SPTBN1: variants seen among roughly 807,000 people sequenced by gnomAD.
SPTBN1 encodes the protein spectrin beta, non-erythrocytic 1.
A neutral mutation model predicts 266.4 loss-of-function variants in SPTBN1; 32 were observed. The observed-to-expected ratio is 0.12, with a 90% CI of 0.09 to 0.16. The LOEUF is 0.16. Ranked by LOEUF, SPTBN1 falls within the 10% of genes least tolerant of loss-of-function variation. The pLI, the probability that SPTBN1 is intolerant of heterozygous loss-of-function variation, is 1.00. For missense variants in SPTBN1, 2,296 were observed against 3,067.1 expected (o/e 0.75, Z 5.94); for synonymous variants, 1,336 against 1,162.2 (o/e 1.15, Z -3.04).
chr2:54,622,538 T>G (rs371529240), intron 9 of SPTBN1, 51 bp downstream of exon 9: 10 of 1,581,408 alleles, frequency 6.3e-6, no homozygotes, highest in Admixed American at 5.1e-5. Context: ...CACATCACTG[T>G]AGCCAACAGA....
chr2:54,462,124 C>A (rs1296073847), intron 1 of SPTBN1, among the ~76,000 whole-genome samples: 1 of 152,162 alleles, frequency 6.6e-6, no homozygotes, highest in East Asian at 1.9e-4. Context: ...TTGGAAAAAT[C>A]AAAATAATAT....
At chr2:54,607,241 C>T (rs1676902349) in intron 3 of SPTBN1, among the ~76,000 whole-genome samples, 1 of 152,184 alleles carries the variant, frequency 6.6e-6, no homozygotes, top group South Asian at 2.1e-4. Context: ...CAGAAATAAA[C>T]AGTGATACAA....
chr2:54,619,053 T>TA (rs1317723970), intron 7 of SPTBN1, among the ~76,000 whole-genome samples: 1 of 152,212 alleles, frequency 6.6e-6, no homozygotes, highest in East Asian at 1.9e-4. Flanking sequence ...GTGCTGGAGA[T>TA]ATATAGATCC....
intron 27 of SPTBN1, 45 bp from the exon 28 acceptor site, chr2:54,655,025 G>T (rs1680555119): frequency 6.4e-7 from 1 of 1,564,846 alleles, no homozygotes; most frequent in East Asian, 2.3e-5. Context: ...CACATTTTTT[G>T]AAAAGCTTGA....
intron 4 of SPTBN1, among the ~76,000 whole-genome samples, chr2:54,615,847 AC>A (rs1348517467): frequency 6.6e-6 from 1 of 152,226 alleles, no homozygotes; most frequent in African/African-American, 2.4e-5. Context: ...ATGTTTACTT[AC>A]AAAAAAACCG....
At position 54,618,576 on chromosome 2, in the gene SPTBN1, G is replaced by A. The variant is rs138237679; in HGVS notation, c.763+383G>A. ...CCCCATAGGGGCAACAGGCAACAGG[G>A]AGTCATTGAAGGTTCTTAGCAGCTG... On this transcript the variant is annotated intron_variant, in intron 7 of 35. Coordinates refer to ENST00000356805, the MANE Select transcript of SPTBN1 (RefSeq NM_003128.3). Among the ~76,000 whole-genome samples, 299 of 152,346 alleles carry A rather than the reference G, an allele frequency of 2.0e-3. 1 individual carries two copies. Among genetic ancestry groups the A allele is most frequent in the Middle Eastern group, 3.4e-3 (1 of 294 alleles).
intron 2 of SPTBN1, among the ~76,000 whole-genome samples, chr2:54,598,857 A>G (rs982179429): frequency 9.9e-5 from 15 of 152,212 alleles, no homozygotes; most frequent in African/African-American, 3.6e-4. Context: ...TCCTTGACTT[A>G]TGAGATTATA....
chr2:54,618,991 A>G (rs1409771842), intron 7 of SPTBN1, among the ~76,000 whole-genome samples: 1 of 152,252 alleles, frequency 6.6e-6, no homozygotes, highest in East Asian at 1.9e-4. Context: ...GAGCTCTCAT[A>G]GGAACTTTTT....
intron 1 of SPTBN1, among the ~76,000 whole-genome samples, chr2:54,483,764 A>T (rs551782763): frequency 4.6e-5 from 7 of 152,336 alleles, no homozygotes; most frequent in Non-Finnish European, 7.3e-5. Flanking sequence ...CCTGTGAGTC[A>T]TTTCAAAGAG....
At chr2:54,586,018 A>G (rs536015501) in intron 2 of SPTBN1, among the ~76,000 whole-genome samples, 2 of 152,360 alleles carry the variant, frequency 1.3e-5, no homozygotes, top group South Asian at 4.1e-4. Flanking sequence ...AAATAGTGCT[A>G]AACTTTAAAA....
chr2:54,658,196 CTGTGG>C, intron 30 of SPTBN1, 150 bp downstream of exon 30: 1 of 953,826 alleles, frequency 1.0e-6, no homozygotes, highest in Non-Finnish European at 1.6e-6. Context: ...TGGGTGGCTC[CTGTGG>C]AGCAGGACCT....
Position 54,659,950 on chromosome 2 carries a change from G to C in SPTBN1, c.6371G>C (p.Gly2124Ala). The C allele has an allele frequency of 6.2e-7, 1 of 1,613,980 alleles. No homozygotes were observed. The highest frequency in any genetic ancestry group is 8.5e-7 in the Non-Finnish European group (1 of 1,180,008). The stretch of plus-strand genomic sequence containing the variant: ...TTCCCTAACAGGGATACTTCAAAAG[G>C]AGAACAAGTTTCCCAAAACGGTTTG... ...ESQQQWDTSKGEQVSQNGLPA... is the reference protein window; with the variant it reads ...ESQQQWDTSKAEQVSQNGLPA... Residue 2124 changes from glycine (G) to alanine (A), a missense_variant, in exon 32 of 36, where the codon GGA becomes GCA. This residue lies in a region of SPTBN1 where 347 missense variants were observed against 368.5 expected (regional missense o/e 0.94). Coordinates refer to ENST00000356805, the MANE Select transcript of SPTBN1 (RefSeq NM_003128.3).
At chr2:54,648,212 G>A (rs1259091737) in intron 24 of SPTBN1, among the ~76,000 whole-genome samples, 1 of 152,196 alleles carries the variant, frequency 6.6e-6, no homozygotes, top group African/African-American at 2.4e-5. Context: ...GCAGGTTAGG[G>A]GAGATGAGGT....
intron 1 of SPTBN1, among the ~76,000 whole-genome samples, chr2:54,526,012 G>A (rs557743523): frequency 7.2e-5 from 11 of 152,350 alleles, no homozygotes; most frequent in East Asian, 1.9e-4. Flanking sequence ...AATTACAGGC[G>A]TGAGCCACTG....
At chr2:54,541,931 T>C (rs1056323806) in intron 2 of SPTBN1, among the ~76,000 whole-genome samples, 7 of 152,236 alleles carry the variant, frequency 4.6e-5, no homozygotes, top group Admixed American at 3.9e-4. Flanking sequence ...ATACTTTCTA[T>C]TCTATTCCAT....
At position 54,558,421 on chromosome 2, in the gene SPTBN1, C is replaced by T. The variant is rs971903213; in HGVS notation, c.148+31855C>T. On this transcript the variant is annotated intron_variant, in intron 2 of 35. Coordinates refer to ENST00000356805, the MANE Select transcript of SPTBN1 (RefSeq NM_003128.3). The surrounding 1 kb of genome is among the most constrained non-coding windows in gnomAD (Gnocchi z 4.6). The stretch of plus-strand genomic sequence containing the variant: ...TGTGCGCGCTGCGCCCGCGAGCTCC[C>T]GGGCTCGGCAACCGTGGCATGCTTA... 13 of 1,019,616 alleles carry T rather than the reference C, an allele frequency of 1.3e-5. No individual in the cohort carries two copies. Among genetic ancestry groups the T allele is most frequent in the Admixed American group, 5.8e-5 (1 of 17,242 alleles). The allele number at this position is 1,019,616 out of a possible 1,614,324, so 63.2% of individuals were successfully genotyped here.
At chr2:54,603,909 CAAG>C (rs1286334316) in intron 3 of SPTBN1, among the ~76,000 whole-genome samples, 1 of 152,204 alleles carries the variant, frequency 6.6e-6, no homozygotes, top group Non-Finnish European at 1.5e-5. Context: ...TTCACCTGAA[CAAG>C]AGATTGGCAG....
chr2:54,512,234 A>G (rs1290592590), intron 1 of SPTBN1, among the ~76,000 whole-genome samples: 1 of 152,218 alleles, frequency 6.6e-6, no homozygotes, highest in African/African-American at 2.4e-5. Flanking sequence ...TGATCATGTT[A>G]AAATGATAAT....
At chr2:54,472,020 A>ATTTT (rs1420661034) in intron 1 of SPTBN1, among the ~76,000 whole-genome samples, 10 of 48,480 alleles carry the variant, frequency 2.1e-4, no homozygotes, top group East Asian at 1.3e-3. Flanking sequence ...GGCCCTGAAG[A>ATTTT]TGTTTTTTTT....
Sources: allele counts gnomAD v4.1 joint callset (sites outside exome capture counted in the v4.1 genomes callset), GRCh38; gene constraint gnomAD v4.1.1; regional missense constraint gnomAD v4.1.1; non-coding constraint Gnocchi (gnomAD v3.1); transcripts MANE v1.5; gene names NCBI Gene and HGNC (gene_info 2026-07-23, HGNC 2026-07-21).